TAF4B: variants seen among roughly 807,000 people sequenced by gnomAD.
TAF4B encodes transcription initiation factor TFIID subunit 4B.
In TAF4B, 38 loss-of-function variants were observed where a neutral mutation model predicts 86.4. That is an observed-to-expected ratio of 0.44 (90% CI 0.34 to 0.58). The LOEUF is 0.58. Among genes scored for constraint, TAF4B ranks in the 20% least tolerant of loss-of-function variants. TAF4B has a pLI of 0.02. For synonymous variants in TAF4B, 388 were observed against 391.2 expected (o/e 0.99, Z 0.10); for missense variants, 988 against 1,027.6 (o/e 0.96, Z 0.53).
intron 9 of TAF4B, among the ~76,000 whole-genome samples, chr18:26,303,913 G>T (rs946787896): frequency 6.6e-6 from 1 of 151,964 alleles, no homozygotes; most frequent in Non-Finnish European, 1.5e-5. Flanking sequence ...TTTCAATAAA[G>T]TAGTATAATT....
At position 26,369,635 on chromosome 18, in the gene TAF4B, C is replaced by G. The variant is rs149712161; in HGVS notation, c.2421+11841C>G. On this transcript the variant is annotated intron_variant, in intron 14 of 14. Coordinates refer to ENST00000269142, the MANE Select transcript of TAF4B (RefSeq NM_005640.3). The stretch of plus-strand genomic sequence containing the variant: ...AAGGCGTTGCTGGCATGGGCTGGCA[C>G]AGGCATTGCCCAGCAGCTGGGCTCC... Among the ~76,000 whole-genome samples the G allele has an allele frequency of 9.2e-5, 14 of 152,358 alleles. No homozygotes were observed. The East Asian group carries it at 2.5e-3, about 27-fold the overall frequency.
At chr18:26,319,481 C>T (rs1351999341) in intron 10 of TAF4B, among the ~76,000 whole-genome samples, 1 of 152,050 alleles carries the variant, frequency 6.6e-6, no homozygotes, top group East Asian at 1.9e-4. Context: ...GCCTGGGTGA[C>T]AGAGCAAGAC....
chr18:26,380,248 G>A (rs1416080174), intron 14 of TAF4B, among the ~76,000 whole-genome samples: 1 of 152,098 alleles, frequency 6.6e-6, no homozygotes, highest in Admixed American at 6.5e-5. Flanking sequence ...GAGGGAAATT[G>A]CCTGTAATTA....
At chr18:26,231,054 T>TTTTTTTTTTTTTTTTTTTTTTTTC (rs2055659832) in intron 1 of TAF4B, among the ~76,000 whole-genome samples, 1 of 137,754 alleles carries the variant, frequency 7.3e-6, no homozygotes, top group Non-Finnish European at 1.6e-5. Flanking sequence ...TTTTTTTTTT[T>TTTTTTTTTTTTTTTTTTTTTTTTC]TTTTTGATGG....
intron 7 of TAF4B, among the ~76,000 whole-genome samples, chr18:26,291,693 C>G (rs1598765336): frequency 9.0e-6 from 1 of 111,502 alleles, no homozygotes; most frequent in Non-Finnish European, 1.8e-5. Context: ...GGTGACAGAG[C>G]AAGACTCTGT....
chr18:26,346,089 C>T (rs1018895590), intron 13 of TAF4B, among the ~76,000 whole-genome samples: 1 of 152,148 alleles, frequency 6.6e-6, no homozygotes, highest in Non-Finnish European at 1.5e-5. Flanking sequence ...CCACCTCAGC[C>T]TCCTGAGTAT....
chr18:26,265,194 G>A lies in TAF4B; in HGVS notation c.368G>A (p.Ser123Asn), dbSNP rs1008011466. 1.9e-6 allele frequency: 3 copies of A among 1,612,938 alleles called. No homozygotes were observed. Among genetic ancestry groups the A allele is most frequent in the Admixed American group, 3.3e-5 (2 of 59,764 alleles). Residue 123 changes from serine (S) to asparagine (N), a missense_variant, in exon 2 of 15, where the codon AGT (serine) becomes AAT (asparagine). By Grantham distance (46) the Ser-to-Asn change is conservative. Transcript: ENST00000269142. Reference sequence around the variant, plus strand: ...GGAACCGTTTTGATTAAAAGTAACAGTGGTCCGTTGATGTTGGTATCTCCT... The same window carrying A: ...GGAACCGTTTTGATTAAAAGTAACAATGGTCCGTTGATGTTGGTATCTCCT... ...PPGTVLIKSN[S>N]GPLMLVSPQQ...
chr18:26,389,716 A>G, intron 14 of TAF4B, 129 bp from the exon 15 acceptor site: 1 of 943,004 alleles, frequency 1.1e-6, no homozygotes, highest in Non-Finnish European at 1.6e-6. Flanking sequence ...TTAGGTCTTC[A>G]TCATTACATT....
intron 5 of TAF4B, among the ~76,000 whole-genome samples, chr18:26,280,365 G>C (rs1274426729): frequency 2.0e-5 from 3 of 152,072 alleles, no homozygotes; most frequent in African/African-American, 7.2e-5. Context: ...ACTATCAACA[G>C]AGTAAACAGA....
intron 1 of TAF4B, among the ~76,000 whole-genome samples, chr18:26,234,508 AAGTGCCACT>A (rs2055719522): frequency 6.6e-6 from 1 of 152,210 alleles, no homozygotes; most frequent in Non-Finnish European, 1.5e-5. Flanking sequence ...AGGCTCGGGT[AAGTGCCACT>A]AGTTCTGCTA....
intron 1 of TAF4B, among the ~76,000 whole-genome samples, chr18:26,237,714 C>G (rs912980060): frequency 6.6e-6 from 1 of 152,142 alleles, no homozygotes; most frequent in African/African-American, 2.4e-5. Flanking sequence ...TTTGCCTTCC[C>G]TCTTACAGAA....
At chr18:26,260,370 G>C (rs994757062) in intron 1 of TAF4B, among the ~76,000 whole-genome samples, 1 of 152,144 alleles carries the variant, frequency 6.6e-6, no homozygotes, top group African/African-American at 2.4e-5. Flanking sequence ...CCTATGTCCT[G>C]AATGGTATTG....
chr18:26,269,151 A>G (rs897311321), intron 3 of TAF4B, among the ~76,000 whole-genome samples: 6 of 152,134 alleles, frequency 3.9e-5, no homozygotes, highest in African/African-American at 1.4e-4. Flanking sequence ...GTCTATTTAC[A>G]GGAACTCTTG....
intron 13 of TAF4B, among the ~76,000 whole-genome samples, chr18:26,336,561 A>G (rs1317014438): frequency 6.6e-6 from 1 of 152,194 alleles, no homozygotes; most frequent in Non-Finnish European, 1.5e-5. Context: ...AAAAGTTGAG[A>G]GCAGAAACAT....
chr18:26,355,433 C>G (rs1325588670), intron 13 of TAF4B, among the ~76,000 whole-genome samples: 2 of 152,174 alleles, frequency 1.3e-5, no homozygotes, highest in African/African-American at 4.8e-5. Context: ...TGCATTAATG[C>G]TCAGAACTTC....
chr18:26,297,961 C>A (rs915979982), intron 9 of TAF4B, among the ~76,000 whole-genome samples: 4 of 151,976 alleles, frequency 2.6e-5, no homozygotes, highest in African/African-American at 9.7e-5. Context: ...TTTCCACCAA[C>A]AAAGTATGAG....
chr18:26,295,988 T>TTG (rs34047998), intron 9 of TAF4B, among the ~76,000 whole-genome samples: 77,965 of 149,782 alleles, frequency 0.52, 20,753 homozygotes, highest in East Asian at 0.82. Context: ...GTTCACGATT[T>TTG]TGTGTGTGTG....
rs371227676 is a variant in TAF4B at position 26,321,167 on chromosome 18, T to G, written c.2100T>G (p.Thr700=). Residue 700 remains threonine (T), a synonymous_variant, in exon 11 of 15, where the codon ACT becomes ACG. Transcript: ENST00000269142. ...ERLRGLLEKL[T]AIAQHRMTTY... ...TACGAGGCCTTCTAGAAAAACTGAC[T>G]GCAATTGCTCAGCATCGAATGACTA... The G allele has an allele frequency of 6.2e-7, 1 of 1,613,820 alleles. No individual in the cohort carries two copies. The highest frequency in any genetic ancestry group is 8.5e-7 in the Non-Finnish European group (1 of 1,179,816).
intron 6 of TAF4B, among the ~76,000 whole-genome samples, chr18:26,283,882 C>A (rs777241868): frequency 3.9e-5 from 6 of 152,004 alleles, no homozygotes; most frequent in Non-Finnish European, 5.9e-5. Context: ...GAAACCCTGA[C>A]TCTACTAAAA....
Sources: allele counts gnomAD v4.1 joint callset (sites outside exome capture counted in the v4.1 genomes callset), GRCh38; gene constraint gnomAD v4.1.1; transcripts MANE v1.5; gene names NCBI Gene and HGNC (gene_info 2026-07-23, HGNC 2026-07-21).